CLEC6A: variants seen among roughly 807,000 people sequenced by gnomAD.
CLEC6A encodes the protein C-type lectin domain family 6 member A.
A neutral mutation model predicts 25.7 loss-of-function variants in CLEC6A; 22 were observed. That is an observed-to-expected ratio of 0.85 (90% CI 0.61 to 1.22). CLEC6A has a LOEUF of 1.22. Ranked by LOEUF, CLEC6A falls within the 50% of genes most tolerant of loss-of-function variation. The pLI, the probability that CLEC6A is intolerant of heterozygous loss-of-function variation, is 0.00. For missense variants in CLEC6A, 240 were observed against 236.8 expected (o/e 1.01, Z -0.09); for synonymous variants, 92 against 76.7 (o/e 1.20, Z -1.04).
At chr12:8,457,808 C>A in intron 1 of CLEC6A, 90 bp from the exon 2 acceptor site, 1 of 876,966 alleles carries the variant, frequency 1.1e-6, no homozygotes, top group Non-Finnish European at 1.9e-6. Flanking sequence ...TGAGGTTCTT[C>A]ATCTAGTTTG....
chr12:8,477,196 A>G, intron 5 of CLEC6A, 124 bp from the exon 6 acceptor site: 1 of 707,252 alleles, frequency 1.4e-6, no homozygotes, highest in Non-Finnish European at 2.3e-6. Flanking sequence ...TATGAGAAGA[A>G]GGAACAATCA....
At chr12:8,463,548 G>T (rs1939791321) in intron 3 of CLEC6A, among the ~76,000 whole-genome samples, 2 of 152,108 alleles carry the variant, frequency 1.3e-5, no homozygotes, top group Non-Finnish European at 2.9e-5. Context: ...AGCATTATCT[G>T]CTTATGACGA....
In CLEC6A at chr12:8,456,143, G is replaced by A. The variant is rs988947432; in HGVS notation, c.31+1G>A. The A allele has an allele frequency of 2.5e-6, 4 of 1,613,634 alleles. No individual in the cohort carries two copies. The highest frequency in any genetic ancestry group is 2.2e-5 in the South Asian group (2 of 91,072). The stretch of plus-strand genomic sequence containing the variant: ...CAAGAGCAGCAACCTCAAAGTACAG[G>A]TGAGTATTTCCTCAGTTTCAGAGGA... On this transcript the variant is annotated splice_donor_variant, in intron 1 of 5. Coordinates refer to ENST00000382073, the MANE Select transcript of CLEC6A (RefSeq NM_001007033.2). LOFTEE classifies it high-confidence loss of function.
In CLEC6A at chr12:8,459,697, A is replaced by T. The variant is rs760467769; in HGVS notation, c.222A>T (p.Pro74=). 1.3e-6 allele frequency: 2 copies of T among 1,597,280 alleles called. No homozygotes were observed. The highest frequency in any genetic ancestry group is 2.7e-5 in the African/African-American group (2 of 74,614). The change falls in exon 3 of 6, where the codon CCA becomes CCT. Residue 74 remains proline, a splice_region_variant and synonymous_variant. Transcript: ENST00000382073. ...LTCFSEGTKV[P]AWGCCPASWK... ...GCTTCAGTGAAGGGACAAAGGTGCC[A>T]GGTAAATCTTTAAAATACTGAAATA...
intron 3 of CLEC6A, chr12:8,461,279 A>C: frequency 1.8e-6 from 1 of 566,444 alleles, no homozygotes; most frequent in Non-Finnish European, 3.1e-6. Context: ...AATTTAGGAC[A>C]GTCAAAAAAA....
intron 4 of CLEC6A, among the ~76,000 whole-genome samples, chr12:8,472,764 T>G (rs1385094743): frequency 6.6e-6 from 1 of 152,186 alleles, no homozygotes; most frequent in African/African-American, 2.4e-5. Flanking sequence ...TTTCAACTTC[T>G]GTCTCAGATT....
chr12:8,470,849 A>G (rs1165492880), intron 4 of CLEC6A, among the ~76,000 whole-genome samples: 1 of 152,078 alleles, frequency 6.6e-6, no homozygotes, highest in Non-Finnish European at 1.5e-5. Context: ...CCACTAAAGA[A>G]CTTATTCATG....
chr12:8,461,322 G>C, intron 3 of CLEC6A: 15 of 506,830 alleles, frequency 3.0e-5, no homozygotes, highest in East Asian at 3.5e-5. Context: ...GGAAAGAGAA[G>C]TAAAGTGCAT....
chr12:8,457,998 C>T lies in CLEC6A; in HGVS notation c.121+11C>T. On this transcript the variant is annotated intron_variant, in intron 2 of 5. Coordinates refer to ENST00000382073, the MANE Select transcript of CLEC6A (RefSeq NM_001007033.2). ...TTGTGAGCTGTGTAGGTAAGTTCTT[C>T]ACTGAGGTGCATTTTCCTTGCTTCC... The T allele has an allele frequency of 6.3e-7, 1 of 1,579,772 alleles. No individual in the cohort carries two copies. Among genetic ancestry groups the T allele is most frequent in the Non-Finnish European group, 8.7e-7 (1 of 1,148,894 alleles).
At chr12:8,462,432 C>A (rs1225821631) in intron 3 of CLEC6A, among the ~76,000 whole-genome samples, 1 of 132,266 alleles carries the variant, frequency 7.6e-6, no homozygotes, top group Non-Finnish European at 1.7e-5. Context: ...CATCTGTCTC[C>A]TGCCCGTCCA....
chr12:8,457,441 A>T (rs377541244), intron 1 of CLEC6A, among the ~76,000 whole-genome samples: 1 of 152,214 alleles, frequency 6.6e-6, no homozygotes, highest in Non-Finnish European at 1.5e-5. Flanking sequence ...GCCATTGTAT[A>T]TATTATACTA....
chr12:8,458,751 G>A (rs1192178889), intron 2 of CLEC6A, among the ~76,000 whole-genome samples: 1 of 152,078 alleles, frequency 6.6e-6, no homozygotes, highest in East Asian at 1.9e-4. Context: ...AGAGAAGGGG[G>A]TTTAAGAATA....
intron 3 of CLEC6A, among the ~76,000 whole-genome samples, chr12:8,462,076 C>T (rs1172779738): frequency 2.0e-5 from 3 of 152,212 alleles, no homozygotes; most frequent in Non-Finnish European, 4.4e-5. Flanking sequence ...CAACCCCGTG[C>T]TCTCTGAAAC....
At chr12:8,466,976 A>C (rs1939841039) in intron 4 of CLEC6A, among the ~76,000 whole-genome samples, 1 of 152,132 alleles carries the variant, frequency 6.6e-6, no homozygotes, top group Non-Finnish European at 1.5e-5. Context: ...CGTACTGTTG[A>C]CAATGTGTAT....
At chr12:8,468,580 G>C (rs1050009868) in intron 4 of CLEC6A, among the ~76,000 whole-genome samples, 2 of 152,154 alleles carry the variant, frequency 1.3e-5, no homozygotes, top group Non-Finnish European at 2.9e-5. Context: ...TAGAGGAAAA[G>C]CTTTTAATTT....
At position 8,473,426 on chromosome 12, in the gene CLEC6A, T is replaced by A. The variant is rs775369792; in HGVS notation, c.370-2699T>A. ...ATGATTTAAATCATTTTAATGACTA[T>A]ATAGTATTCCATGGTGTATATGTAT... On this transcript the variant is annotated intron_variant, in intron 4 of 5. Coordinates refer to ENST00000382073, the MANE Select transcript of CLEC6A (RefSeq NM_001007033.2). Among the ~76,000 whole-genome samples, 22 of 152,240 alleles carry A rather than the reference T, an allele frequency of 1.4e-4. No individual in the cohort carries two copies. The East Asian group carries it at 3.7e-3, about 25-fold the overall frequency.
intron 4 of CLEC6A, among the ~76,000 whole-genome samples, chr12:8,472,938 A>T (rs1241964039): frequency 6.6e-6 from 1 of 151,252 alleles, no homozygotes. Context: ...ACTAGTCCCC[A>T]GTATCTATTT....
At chr12:8,460,693 C>T (rs1326084495) in intron 3 of CLEC6A, 54 of 1,495,908 alleles carry the variant, frequency 3.6e-5, no homozygotes, top group East Asian at 1.4e-4. Flanking sequence ...TCTGAGGGTC[C>T]GCTGCTGGCA....
At chr12:8,462,631 C>G (rs1024752538) in intron 3 of CLEC6A, among the ~76,000 whole-genome samples, 1,874 of 136,790 alleles carry the variant, frequency 0.014, no homozygotes, top group Admixed American at 0.037. Context: ...GATGCAGATA[C>G]CTTTGTTCAC....
Sources: allele counts gnomAD v4.1 joint callset (sites outside exome capture counted in the v4.1 genomes callset), GRCh38; gene constraint gnomAD v4.1.1; transcripts MANE v1.5; gene names NCBI Gene and HGNC (gene_info 2026-07-23, HGNC 2026-07-21).